RPRD2: variants seen among roughly 807,000 people sequenced by gnomAD.
RPRD2 encodes regulation of nuclear pre-mRNA domain containing 2.
In RPRD2, 12 loss-of-function variants were observed where a neutral mutation model predicts 104.4. That is an observed-to-expected ratio of 0.11 (90% CI 0.07 to 0.19). The LOEUF is 0.19. Ranked by LOEUF, RPRD2 falls within the 10% of genes least tolerant of loss-of-function variation. The pLI is 1.00. For synonymous variants in RPRD2, 714 were observed against 684.9 expected (o/e 1.04, Z -0.66); for missense variants, 1,543 against 1,790.1 (o/e 0.86, Z 2.49).
chr1:150,461,555 T>G (rs782575158), intron 9 of RPRD2, among the ~76,000 whole-genome samples: 1 of 152,156 alleles, frequency 6.6e-6, no homozygotes, highest in Non-Finnish European at 1.5e-5. Context: ...TTTACTGTTA[T>G]GAAGAATACT....
chr1:150,470,995 A>G lies in RPRD2; in HGVS notation c.2047A>G (p.Ser683Gly). Residue 683 changes from serine (S) to glycine (G), a missense_variant, in exon 11 of 11, where the codon AGT becomes GGT. Around this residue, in one of 4 missense-constraint regions of RPRD2, gnomAD observed 572 missense variants for 787.3 expected, o/e 0.73. Coordinates refer to ENST00000369068, the MANE Select transcript of RPRD2 (RefSeq NM_015203.5). ...CTTCTTAAAAGGTAATCCTGGTTTC[A>G]GTGGCTTAAACTTAAACATCCCAAT... ...HNFLKGNPGF[S>G]GLNLNIPILS... 3 of 1,614,040 alleles carry G rather than the reference A, an allele frequency of 1.9e-6. No homozygotes were observed. Among genetic ancestry groups the G allele is most frequent in the Non-Finnish European group, 2.5e-6 (3 of 1,179,900 alleles).
At chr1:150,432,959 C>T (rs1279474255) in intron 2 of RPRD2, among the ~76,000 whole-genome samples, 2 of 151,920 alleles carry the variant, frequency 1.3e-5, no homozygotes, top group Non-Finnish European at 2.9e-5. Flanking sequence ...CCTGGGGGAC[C>T]AGAGTGAGAC....
intron 9 of RPRD2, among the ~76,000 whole-genome samples, chr1:150,461,993 CAA>C (rs1667965907): frequency 7.0e-6 from 1 of 142,966 alleles, no homozygotes; most frequent in Admixed American, 7.0e-5. Flanking sequence ...AAACAAAAAA[CAA>C]AAATTAGGCC....
chr1:150,451,951 G>C (rs1341518367), intron 7 of RPRD2, among the ~76,000 whole-genome samples: 1 of 151,666 alleles, frequency 6.6e-6, no homozygotes, highest in East Asian at 1.9e-4. Flanking sequence ...GACCAGCCTG[G>C]CCAATATGGT....
At chr1:150,432,421 A>G (rs1221032480) in intron 2 of RPRD2, among the ~76,000 whole-genome samples, 7 of 152,018 alleles carry the variant, frequency 4.6e-5, no homozygotes, top group African/African-American at 1.7e-4. Context: ...CGAAATTCAT[A>G]TGTTGAAACC....
At chr1:150,440,681 CA>C (rs1314005526) in intron 2 of RPRD2, among the ~76,000 whole-genome samples, 1 of 152,154 alleles carries the variant, frequency 6.6e-6, no homozygotes, top group Non-Finnish European at 1.5e-5. Flanking sequence ...GTCAGTATGT[CA>C]TCTGTAGCTT....
chr1:150,430,995 G>T (rs1156637916), intron 2 of RPRD2, among the ~76,000 whole-genome samples: 1 of 151,062 alleles, frequency 6.6e-6, no homozygotes, highest in Non-Finnish European at 1.5e-5. Flanking sequence ...CTAAGATAAA[G>T]GAAGCAATAA....
At chr1:150,368,114 G>A (rs1659978064) in intron 1 of RPRD2, among the ~76,000 whole-genome samples, 1 of 150,550 alleles carries the variant, frequency 6.6e-6, no homozygotes. Context: ...CCTACCTCGG[G>A]CTTCTTCACA....
intron 2 of RPRD2, among the ~76,000 whole-genome samples, chr1:150,439,273 T>C (rs1560203696): frequency 6.6e-6 from 1 of 152,238 alleles, no homozygotes; most frequent in East Asian, 1.9e-4. Flanking sequence ...GTTAGTATTG[T>C]ATTTGAAACC....
chr1:150,376,440 C>T (rs781979319), intron 1 of RPRD2, among the ~76,000 whole-genome samples: 1 of 151,574 alleles, frequency 6.6e-6, no homozygotes, highest in Admixed American at 6.6e-5. Context: ...TAGAATGGAT[C>T]CTGAGCTGTT....
At chr1:150,457,895 AC>A (rs1466473570) in intron 8 of RPRD2, among the ~76,000 whole-genome samples, 2 of 152,062 alleles carry the variant, frequency 1.3e-5, no homozygotes, top group Non-Finnish European at 2.9e-5. Context: ...ACATGGTGTA[AC>A]CCTGTCTCTA....
At chr1:150,454,642 G>A (rs1156499719) in intron 7 of RPRD2, among the ~76,000 whole-genome samples, 1 of 152,098 alleles carries the variant, frequency 6.6e-6, no homozygotes, top group Non-Finnish European at 1.5e-5. Flanking sequence ...GAGGTCAGGA[G>A]TTCGAGATCA....
intron 2 of RPRD2, among the ~76,000 whole-genome samples, chr1:150,436,602 T>TA (rs1243316150): frequency 4.2e-5 from 6 of 142,114 alleles, no homozygotes; most frequent in Non-Finnish European, 6.1e-5. Flanking sequence ...CCGTCTCAAT[T>TA]AAAAAAAAAG....
intron 2 of RPRD2, among the ~76,000 whole-genome samples, chr1:150,424,052 A>G (rs1350921376): frequency 6.6e-6 from 1 of 152,104 alleles, no homozygotes; most frequent in Non-Finnish European, 1.5e-5. Context: ...TCGGCCTCCC[A>G]GAGTGCTGGG....
At chr1:150,371,659 G>A (rs1029814225) in intron 1 of RPRD2, among the ~76,000 whole-genome samples, 3 of 152,172 alleles carry the variant, frequency 2.0e-5, no homozygotes, top group Admixed American at 6.6e-5. Flanking sequence ...ATGAGCCACC[G>A]TGCCCGGCTG....
intron 2 of RPRD2, among the ~76,000 whole-genome samples, chr1:150,438,612 G>C (rs1666186051): frequency 6.6e-6 from 1 of 151,768 alleles, no homozygotes; most frequent in Admixed American, 6.6e-5. Flanking sequence ...CTGGGTGACA[G>C]AGCAAGACTC....
At position 150,433,135 on chromosome 1, in the gene RPRD2, A is replaced by G. The variant is rs1337815309; in HGVS notation, c.336-7788A>G. Among the ~76,000 whole-genome samples, 5 of 152,208 alleles carry G rather than the reference A, an allele frequency of 3.3e-5. No individual in the cohort carries two copies. In the East Asian group the frequency reaches 5.8e-4, roughly 18 times the overall value. ...TACCCCCAAAAGATACATACCTACT[A>G]TGTACCCATAAAAATTTTTTTAAAT... On this transcript the variant is annotated intron_variant, in intron 2 of 10. Transcript: ENST00000369068.
chr1:150,377,168 G>A (rs1005263244), intron 1 of RPRD2, among the ~76,000 whole-genome samples: 2 of 150,980 alleles, frequency 1.3e-5, no homozygotes, highest in Admixed American at 6.6e-5. Flanking sequence ...CTGAGATTAC[G>A]CCACTACACT....
At chr1:150,417,525 TATTTGGAATAA>T (rs1343995741) in intron 1 of RPRD2, 60 bp from the exon 2 acceptor site, 3 of 1,251,168 alleles carry the variant, frequency 2.4e-6, no homozygotes, top group Non-Finnish European at 3.2e-6. Context: ...GAGAACACTG[TATTTGGAATAA>T]GTTGAACTAA....
Sources: gnomAD v4.1 joint callset for allele counts (sites outside exome capture counted in the v4.1 genomes callset) on GRCh38, gnomAD v4.1.1 for gene constraint, gnomAD v4.1.1 regional missense constraint, MANE v1.5 for transcripts, NCBI Gene and HGNC (gene_info 2026-07-23, HGNC 2026-07-21) for gene names.